AP5Z1: variants seen among roughly 807,000 people sequenced by gnomAD.
AP5Z1 encodes adaptor related protein complex 5 subunit zeta 1.
A neutral mutation model predicts 83.0 loss-of-function variants in AP5Z1; 106 were observed. The ratio of observed to expected loss-of-function variants is 1.28; its 90% confidence interval spans 1.09 to 1.50. The LOEUF is 1.50. Ranked by LOEUF, AP5Z1 falls within the 40% of genes most tolerant of loss-of-function variation. The pLI is 0.00. For synonymous variants in AP5Z1, 751 were observed against 514.1 expected (o/e 1.46, Z -6.23); for missense variants, 1,565 against 1,094.2 (o/e 1.43, Z -6.07).
In AP5Z1 at chr7:4,791,542, G is replaced by GC. The variant is rs202085734; in HGVS notation, c.*163dup. On this transcript the variant is annotated 3_prime_UTR_variant, in exon 17 of 17. Coordinates refer to ENST00000649063, the MANE Select transcript of AP5Z1 (RefSeq NM_014855.3). ...GCACCCTCACAGACACGCGGGGCTG[G>GC]CCCCCCTGCTCACCCTCTGGGCTTT... 11 of 1,115,396 alleles carry GC rather than the reference G, an allele frequency of 9.9e-6. No homozygotes were observed. Among genetic ancestry groups the GC allele is most frequent in the Middle Eastern group, 3.0e-4 (1 of 3,290 alleles). The allele number at this position is 1,115,396 out of a possible 1,614,324, so 69.1% of individuals were successfully genotyped here.
Position 4,791,607 on chromosome 7 carries a change from C to A in AP5Z1, c.*222C>A. 1.5e-6 allele frequency: 1 copy of A among 658,042 alleles called. No individual in the cohort carries two copies. The highest frequency in any genetic ancestry group is 2.5e-6 in the Non-Finnish European group (1 of 402,002). The allele number at this position is 658,042 out of a possible 1,614,324, so 40.8% of individuals were successfully genotyped here. On this transcript the variant is annotated 3_prime_UTR_variant, in exon 17 of 17. Coordinates refer to ENST00000649063, the MANE Select transcript of AP5Z1 (RefSeq NM_014855.3). ...TGCTCCCAGGCAACACTGAGCTGAG[C>A]TGAGGGGTGCCATGGAGCGGCTCTG... is the stretch of plus-strand genomic sequence containing the variant.
chr7:4,780,499 T>A (rs978697410), intron 1 of AP5Z1, among the ~76,000 whole-genome samples: 5 of 151,974 alleles, frequency 3.3e-5, no homozygotes, highest in Non-Finnish European at 7.4e-5. Context: ...GCGCGGTGGC[T>A]CACGCCTGTA....
rs1781434838 is a variant in AP5Z1 at position 4,783,325 on chromosome 7, A to G, written c.376A>G (p.Asn126Asp). The G allele has an allele frequency of 6.2e-7, 1 of 1,608,836 alleles. No individual in the cohort carries two copies. Among genetic ancestry groups the G allele is most frequent in the Non-Finnish European group, 8.5e-7 (1 of 1,177,538 alleles). ...CCTGTTTGATTTGAAGGGTGACAGA[A>G]ACGAGGAGGTCAGAGCCGTGGGCCA... ...ASVLLAQGDRNEEVRAVGQGV... is the reference protein window; with the variant it reads ...ASVLLAQGDRDEEVRAVGQGV... The change falls in exon 4 of 17, where the codon AAC becomes GAC. Residue 126 changes from asparagine (N) to aspartate (D), a missense_variant. Physicochemically the swap from Asn to Asp is conservative, Grantham distance 23. Coordinates refer to ENST00000649063, the MANE Select transcript of AP5Z1 (RefSeq NM_014855.3).
At chr7:4,777,581 A>T (rs1328132774) in intron 1 of AP5Z1, among the ~76,000 whole-genome samples, 2 of 151,848 alleles carry the variant, frequency 1.3e-5, no homozygotes, top group Admixed American at 1.3e-4. Context: ...TAGAGATGGG[A>T]TTTCACCACA....
rs777563947 is a variant in AP5Z1 at position 4,790,814 on chromosome 7, C to T, written c.2080C>T (p.Pro694Ser). 3 of 1,608,122 alleles carry T rather than the reference C, an allele frequency of 1.9e-6. No homozygotes were observed. Among genetic ancestry groups the T allele is most frequent in the Non-Finnish European group, 2.5e-6 (3 of 1,178,576 alleles). Residue 694 changes from proline to serine, a missense_variant, in exon 16 of 17, where the codon CCC (proline) becomes TCC (serine). Coordinates refer to ENST00000649063, the MANE Select transcript of AP5Z1 (RefSeq NM_014855.3). ...CRPSAALPRC[P>S]PQVVTVLMTT... The stretch of plus-strand genomic sequence containing the variant: ...CCCCTCTGCTGCCCTGCCCAGGTGT[C>T]CCCCCCAGGTGGTCACCGTGCTGAT...
rs1253842109 is a variant in AP5Z1, at chr7:4,783,639, G to A, written c.512-50G>A. ...GTCGGCCAGCATCCCAACAACCCAG[G>A]CATCTGTAGGATTCAACCTCACCTC... On this transcript the variant is annotated intron_variant, in intron 4 of 16. Coordinates refer to ENST00000649063, the MANE Select transcript of AP5Z1 (RefSeq NM_014855.3). 2.6e-6 allele frequency: 4 copies of A among 1,522,710 alleles called. No individual in the cohort carries two copies. The East Asian group carries it at 9.9e-5, about 38-fold the overall frequency. The allele number at this position is 1,522,710 out of a possible 1,614,324, so 94.3% of individuals were successfully genotyped here.
Position 4,775,746 on chromosome 7 carries a change from C to T in AP5Z1, c.31C>T (p.His11Tyr), listed in dbSNP as rs762776941. Residue 11 changes from histidine (H) to tyrosine (Y), a missense_variant, in exon 1 of 17, where the codon CAC (histidine) becomes TAC (tyrosine). Physicochemically the swap from His to Tyr is moderately conservative, Grantham distance 83. Coordinates refer to ENST00000649063, the MANE Select transcript of AP5Z1 (RefSeq NM_014855.3). MFSAGAESLL[H>Y]QAREIQDEEL... ...CTCGGCAGGAGCGGAGAGTTTGCTCCACCAGGCCAGGTACGGGGGAGCTGC... is the reference window on the plus strand; with the variant it reads ...CTCGGCAGGAGCGGAGAGTTTGCTCTACCAGGCCAGGTACGGGGGAGCTGC... 1.9e-6 allele frequency: 3 copies of T among 1,605,488 alleles called. No homozygotes were observed. The highest frequency in any genetic ancestry group is 1.7e-5 in the Admixed American group (1 of 59,974).
intron 14 of AP5Z1, 187 bp downstream of exon 14, chr7:4,790,116 A>G (rs1781708690): frequency 1.4e-6 from 2 of 1,401,116 alleles, no homozygotes; most frequent in South Asian, 1.4e-5. Flanking sequence ...CTGCTTCTCA[A>G]GAACATTCCC....
At position 4,790,417 on chromosome 7, in the gene AP5Z1, T is replaced by G. The variant is rs907718; in HGVS notation, c.1806-42T>G. ...CTTGGCCTGGATGGGGATGGGGTCA[T>G]AGGTCTGCACAGAGCAGGCGTAGAC... On this transcript the variant is annotated intron_variant, in intron 14 of 16. Transcript: ENST00000649063. The G allele has an allele frequency of 0.053, 85,225 of 1,612,176 alleles. 2,645 individuals are homozygous for G. The highest frequency in any genetic ancestry group is 0.11 in the African/African-American group (8,333 of 75,018).
chr7:4,792,419 C>T lies in AP5Z1; in HGVS notation c.*1034C>T, dbSNP rs1490621055. The stretch of plus-strand genomic sequence containing the variant: ...CCCCCATAGCTCTGCGACTAAGAAA[C>T]CACAGGCTGAAGGCGACTGCAGGGT... On this transcript the variant is annotated 3_prime_UTR_variant, in exon 17 of 17. Coordinates refer to ENST00000649063, the MANE Select transcript of AP5Z1 (RefSeq NM_014855.3). The T allele has an allele frequency of 2.3e-5, 3 of 129,948 alleles. No homozygotes were observed. The highest frequency in any genetic ancestry group is 2.7e-4 in the South Asian group (1 of 3,674). 8.0% of individuals were successfully genotyped at this position (129,948 alleles called of 1,614,324 possible).
chr7:4,785,453 G>A lies in AP5Z1; in HGVS notation c.969+1G>A, dbSNP rs755094633. The A allele has an allele frequency of 6.2e-7, 1 of 1,613,460 alleles. No homozygotes were observed. The highest frequency in any genetic ancestry group is 1.1e-5 in the South Asian group (1 of 91,034). On this transcript the variant is annotated splice_donor_variant, in intron 8 of 16. Coordinates refer to ENST00000649063, the MANE Select transcript of AP5Z1 (RefSeq NM_014855.3). LOFTEE classifies it high-confidence loss of function. Reference sequence around the variant, plus strand: ...GGGGGACTCCGACCTGCAGAAAGCTGTAAGTGGCTGGGGACCAGGGGATGG... The same window carrying A: ...GGGGGACTCCGACCTGCAGAAAGCTATAAGTGGCTGGGGACCAGGGGATGG...
Position 4,790,755 on chromosome 7 carries a change from T to C in AP5Z1, c.2021T>C (p.Leu674Pro). The C allele has an allele frequency of 6.2e-7, 1 of 1,609,252 alleles. No individual in the cohort carries two copies. Among genetic ancestry groups the C allele is most frequent in the Non-Finnish European group, 8.5e-7 (1 of 1,178,768 alleles). The change falls in exon 16 of 17, where the codon CTG (leucine) becomes CCG (proline). Residue 674 changes from leucine to proline, a missense_variant. Coordinates refer to ENST00000649063, the MANE Select transcript of AP5Z1 (RefSeq NM_014855.3). Reference protein sequence around the residue: ...VEQINKFFEALEALLFEVTQC... With the variant: ...VEQINKFFEAPEALLFEVTQC... ...CAGATCAACAAGTTCTTCGAAGCCCTGGAGGCTCTGCTATTCGAGGTCACC... is the reference window on the plus strand; with the variant it reads ...CAGATCAACAAGTTCTTCGAAGCCCCGGAGGCTCTGCTATTCGAGGTCACC...
intron 9 of AP5Z1, among the ~76,000 whole-genome samples, 162 bp from the exon 10 acceptor site, chr7:4,786,088 C>T (rs1441107699): frequency 2.0e-5 from 3 of 152,162 alleles, no homozygotes; most frequent in Non-Finnish European, 2.9e-5. Context: ...TGTCCCTGGG[C>T]GAGGGAGACC....
chr7:4,781,275 C>G lies in AP5Z1; in HGVS notation c.142C>G (p.Leu48Val), dbSNP rs926675844. The G allele has an allele frequency of 6.2e-7, 1 of 1,613,768 alleles. No homozygotes were observed. The highest frequency in any genetic ancestry group is 8.5e-7 in the Non-Finnish European group (1 of 1,179,802). ...GPDTLDSLQR[L>V]FLIISATKYS... is the part of the protein sequence containing the mutation. ...GGACACCCTCGACTCCCTGCAGAGG[C>G]TCTTCCTCATCATCTCAGCCACGAA... Residue 48 changes from leucine (L) to valine (V), a missense_variant, in exon 2 of 17, where the codon CTC becomes GTC. Leu to Val is a conservative substitution (Grantham distance 32). Transcript: ENST00000649063.
intron 1 of AP5Z1, among the ~76,000 whole-genome samples, chr7:4,780,145 T>C (rs963489302): frequency 1.3e-5 from 2 of 152,154 alleles, no homozygotes; most frequent in Non-Finnish European, 2.9e-5. Context: ...TTGCGCATTA[T>C]TGGTTCTTTC....
In AP5Z1 at chr7:4,793,065, C is replaced by T. The variant is rs1781837348; in HGVS notation, c.*1680C>T. ...CGCCCAGGCCAGCTGGTGCTAAGTC[C>T]GCAGCCTGTGCAGCAGCGCCCGGCT... On this transcript the variant is annotated 3_prime_UTR_variant, in exon 17 of 17. Coordinates refer to ENST00000649063, the MANE Select transcript of AP5Z1 (RefSeq NM_014855.3). 1 of 152,444 alleles carries T rather than the reference C, an allele frequency of 6.6e-6. No individual in the cohort carries two copies. The highest frequency in any genetic ancestry group is 2.1e-4 in the South Asian group (1 of 4,862). The allele number at this position is 152,444 out of a possible 1,614,324, so 9.4% of individuals were successfully genotyped here. A position where few individuals can be genotyped will look rare whatever the true frequency, so the allele number is the denominator to read the frequency against.
Position 4,786,344 on chromosome 7 carries a change from A to G in AP5Z1, c.1227A>G (p.Glu409=). Residue 409 remains glutamate (E), a synonymous_variant, in exon 10 of 17, where the codon GAA becomes GAG. Coordinates refer to ENST00000649063, the MANE Select transcript of AP5Z1 (RefSeq NM_014855.3). ...TCCACAGCCCCATGCTGGCCTTTGA[A>G]TTCATCCAGTTCTGCAGGGACAACC... ...EQFHSPMLAF[E]FIQFCRDNLH... is the part of the protein sequence containing the mutation. 2 of 1,613,886 alleles carry G rather than the reference A, an allele frequency of 1.2e-6. No individual in the cohort carries two copies. Among genetic ancestry groups the G allele is most frequent in the Non-Finnish European group, 8.5e-7 (1 of 1,179,842 alleles).
At position 4,783,354 on chromosome 7, in the gene AP5Z1, C is replaced by T. The variant is rs369905698; in HGVS notation, c.405C>T (p.Gly135=). ...RNEEVRAVGQ[G]VLRALESRQP... ...AGGAGGTCAGAGCCGTGGGCCAGGG[C>T]GTGCTACGAGCGCTGGAGAGCCGGC... Residue 135 remains glycine (G), a synonymous_variant, in exon 4 of 17, where the codon GGC becomes GGT. Transcript: ENST00000649063. The T allele has an allele frequency of 2.9e-5, 46 of 1,612,896 alleles. No homozygotes were observed. The highest frequency in any genetic ancestry group is 1.1e-4 in the South Asian group (10 of 91,010).
At chr7:4,790,395 G>A in intron 14 of AP5Z1, 64 bp from the exon 15 acceptor site, 5 of 1,609,950 alleles carry the variant, frequency 3.1e-6, no homozygotes, top group Non-Finnish European at 4.2e-6. Context: ...CCAGGCCCTT[G>A]GCCTGGATGG....
Sources: gnomAD v4.1 joint callset for allele counts (sites outside exome capture counted in the v4.1 genomes callset) on GRCh38, gnomAD v4.1.1 for gene constraint, MANE v1.5 for transcripts, NCBI Gene and HGNC (gene_info 2026-07-23, HGNC 2026-07-21) for gene names.